Variants in LRP8 observed in about 807,000 individuals in gnomAD.
The protein encoded by LRP8 is low-density lipoprotein receptor-related protein 8.
In LRP8, 46 loss-of-function variants were observed where a neutral mutation model predicts 111.6. The ratio of observed to expected loss-of-function variants is 0.41; its 90% CI spans 0.33 to 0.53. The LOEUF (loss-of-function observed/expected upper bound fraction) is 0.53. Among genes scored for constraint, LRP8 ranks in the 20% least tolerant of loss-of-function variants. The probability of loss-of-function intolerance (pLI) is 0.20; values close to 1 mark genes in which losing one functional copy is unlikely to be tolerated. For synonymous variants in LRP8, 464 were observed against 511.2 expected (o/e 0.91, Z 1.24); for missense variants, 959 against 1,297.4 (o/e 0.74, Z 4.01).
chr1:53,292,590 C>A (rs1052755277), intron 2 of LRP8, among the ~76,000 whole-genome samples: 9 of 152,202 alleles, frequency 5.9e-5, no homozygotes, highest in Non-Finnish European at 1.2e-4. Flanking sequence ...GTTTTCCCCC[C>A]ACAAGAAGCT....
chr1:53,316,405 C>T (rs543186110), intron 2 of LRP8, among the ~76,000 whole-genome samples: 4 of 152,312 alleles, frequency 2.6e-5, no homozygotes, highest in South Asian at 2.1e-4. Flanking sequence ...AAATCAGCCC[C>T]GTCAGAGCTC....
At position 53,294,270 on chromosome 1, in the gene LRP8, C is replaced by T. The variant is rs57497860; in HGVS notation, c.245-4581G>A. Among the ~76,000 whole-genome samples, 520 of 152,294 alleles carry T rather than the reference C, an allele frequency of 3.4e-3. 4 individuals carry two copies. The highest frequency in any genetic ancestry group is 0.012 in the African/African-American group (500 of 41,546). On this transcript the variant is annotated intron_variant, in intron 2 of 18. Coordinates refer to ENST00000306052, the MANE Select transcript of LRP8 (RefSeq NM_004631.5). The surrounding 1 kb of genome is among the most constrained non-coding windows in gnomAD (Gnocchi z 4.1). The stretch of plus-strand genomic sequence containing the variant: ...ACATCATAATCTGGTGCCATGGCAA[C>T]AGATGGGCTGCCACAAAGGACTAGG...
chr1:53,269,324 T>TAA (rs1646685501), intron 8 of LRP8, among the ~76,000 whole-genome samples: 1 of 148,920 alleles, frequency 6.7e-6, no homozygotes, highest in Non-Finnish European at 1.5e-5. Flanking sequence ...ATTATTATTA[T>TAA]TTTTTTTTTT....
chr1:53,273,393 A>G (rs1373029876), intron 6 of LRP8, among the ~76,000 whole-genome samples: 1 of 152,240 alleles, frequency 6.6e-6, no homozygotes, highest in Admixed American at 6.5e-5. Context: ...ATGGGGTCAC[A>G]CACATAGATG....
In LRP8 at chr1:53,276,806, C is replaced by A; in HGVS notation, c.769G>T (p.Ala257Ser). The A allele has an allele frequency of 7.9e-7, 1 of 1,268,022 alleles. No homozygotes were observed. Among genetic ancestry groups the A allele is most frequent in the Middle Eastern group, 3.0e-4 (1 of 3,372 alleles). The allele number at this position is 1,268,022 out of a possible 1,614,324, so 78.5% of individuals were successfully genotyped here. A position where few individuals can be genotyped will look rare whatever the true frequency, so the allele number is the denominator to read the frequency against. ...AACTGGGAGGCGGTGGCGCAGGCGG[C>A]GGGCGCGGACGTGGCCCCGGGGCCC... is the stretch of plus-strand genomic sequence containing the variant. ...RPGPGATSAP[A>S]ACATASQFAC... The change falls in exon 5 of 19, where the codon GCC becomes TCC. Residue 257 changes from alanine (A) to serine (S), a missense_variant. Physicochemically the swap from Ala to Ser is moderately conservative, Grantham distance 99 (BLOSUM62 1). Around this residue, in one of 3 missense-constraint regions of LRP8, gnomAD observed 819 missense variants for 1,097.6 expected, o/e 0.75. Coordinates refer to ENST00000306052, the MANE Select transcript of LRP8 (RefSeq NM_004631.5).
chr1:53,266,000 G>C (rs1014661663), intron 9 of LRP8, among the ~76,000 whole-genome samples: 1 of 152,218 alleles, frequency 6.6e-6, no homozygotes, highest in African/African-American at 2.4e-5. Flanking sequence ...AGGCATGCCA[G>C]ATCAGATGCC....
Position 53,266,681 on chromosome 1 carries a change from A to C in LRP8, c.1253-34T>G, listed in dbSNP as rs1425906965. On this transcript the variant is annotated intron_variant, in intron 8 of 18. Coordinates refer to ENST00000306052, the MANE Select transcript of LRP8 (RefSeq NM_004631.5). This position sits in a 1 kb window ranked among gnomAD's most constrained non-coding sequence, Gnocchi z 5.0. ...CAGGGAGGTTGAAAGAGAAAGAGTC[A>C]GTGCAAGAGGCAGGGAGCCTGGAGA... 6.2e-7 allele frequency: 1 copy of C among 1,601,748 alleles called. No individual in the cohort carries two copies. The highest frequency in any genetic ancestry group is 1.7e-5 in the Admixed American group (1 of 59,914).
chr1:53,245,779 T>G lies in LRP8; in HGVS notation c.*1239A>C, dbSNP rs1645712978. On this transcript the variant is annotated 3_prime_UTR_variant, in exon 19 of 19. Coordinates refer to ENST00000306052, the MANE Select transcript of LRP8 (RefSeq NM_004631.5). Reference sequence around the variant, plus strand: ...CCCACATAAAGGAAATGGTAGAGAGTAAGGGGAAAAGAGAAATAAGAGATG... The same window carrying G: ...CCCACATAAAGGAAATGGTAGAGAGGAAGGGGAAAAGAGAAATAAGAGATG... 1 of 152,328 alleles carries G rather than the reference T, an allele frequency of 6.6e-6. No homozygotes were observed. The highest frequency in any genetic ancestry group is 1.5e-5 in the Non-Finnish European group (1 of 67,972). 9.4% of individuals were successfully genotyped at this position (152,328 alleles called of 1,614,324 possible).
At chr1:53,264,858 A>AG (rs1373163637) in intron 9 of LRP8, among the ~76,000 whole-genome samples, 1 of 152,140 alleles carries the variant, frequency 6.6e-6, no homozygotes, top group African/African-American at 2.4e-5. Context: ...TGAGATACTT[A>AG]GGGGAGCTGC....
At chr1:53,277,507 C>T (rs530154132) in intron 4 of LRP8, among the ~76,000 whole-genome samples, 2 of 152,270 alleles carry the variant, frequency 1.3e-5, no homozygotes, top group East Asian at 3.9e-4. Flanking sequence ...CCTGAGTCCC[C>T]TGGCCTGGTA....
intron 2 of LRP8, among the ~76,000 whole-genome samples, chr1:53,312,662 T>C (rs1049144137): frequency 6.6e-6 from 1 of 152,034 alleles, no homozygotes; most frequent in Non-Finnish European, 1.5e-5. Flanking sequence ...CCTGGCCTTT[T>C]TCTTTGTTTT....
chr1:53,267,720 A>G (rs1646626500), intron 8 of LRP8: 1 of 152,236 alleles, frequency 6.6e-6, no homozygotes, highest in Non-Finnish European at 1.5e-5. Context: ...GTTAGATTTT[A>G]AGATGATAAA....
At chr1:53,311,461 C>T (rs958387496) in intron 2 of LRP8, among the ~76,000 whole-genome samples, 60 of 152,164 alleles carry the variant, frequency 3.9e-4, no homozygotes, top group African/African-American at 1.4e-3. Context: ...ACAAAGCGCC[C>T]TCCCCCAACT....
intron 2 of LRP8, among the ~76,000 whole-genome samples, chr1:53,310,969 C>T (rs1252122046): frequency 2.0e-5 from 3 of 152,180 alleles, no homozygotes. Flanking sequence ...CCTGCCCAGC[C>T]CTGCACATGC....
At chr1:53,300,223 C>T (rs1481407742) in intron 2 of LRP8, among the ~76,000 whole-genome samples, 5 of 152,248 alleles carry the variant, frequency 3.3e-5, no homozygotes, top group African/African-American at 1.2e-4. Context: ...AGCCATTGGC[C>T]TTCATACCAG....
chr1:53,249,241 C>G lies in LRP8; in HGVS notation c.2853+139G>C, dbSNP rs1645819697. ...GCCATTCATTGGTCTGTGACTAACC[C>G]ATTTTTCTTCTTTGCCCCAACACCC... On this transcript the variant is annotated intron_variant, in intron 18 of 18. Coordinates refer to ENST00000306052, the MANE Select transcript of LRP8 (RefSeq NM_004631.5). The surrounding 1 kb of genome is among the most constrained non-coding windows in gnomAD (Gnocchi z 4.1). 1 of 837,464 alleles carries G rather than the reference C, an allele frequency of 1.2e-6. No individual in the cohort carries two copies. The highest frequency in any genetic ancestry group is 2.7e-5 in the East Asian group (1 of 37,470). The allele number at this position is 837,464 out of a possible 1,614,324, so 51.9% of individuals were successfully genotyped here.
intron 9 of LRP8, among the ~76,000 whole-genome samples, chr1:53,265,973 G>C (rs1646538322): frequency 6.6e-6 from 1 of 152,212 alleles, no homozygotes; most frequent in African/African-American, 2.4e-5. Flanking sequence ...CTGGCCTTGG[G>C]GTGATGCCAT....
rs1366326240 is a variant in LRP8, at chr1:53,264,288, G to A, written c.1536C>T (p.Tyr512=). The A allele has an allele frequency of 6.2e-7, 1 of 1,614,192 alleles. No homozygotes were observed. Among genetic ancestry groups the A allele is most frequent in the African/African-American group, 1.3e-5 (1 of 75,046 alleles). ...TGGTCTTATTGCCCGAGTCAGTCCA[G>A]TAGATGTGCTTGTGGACCCAGTCCA... ...LAVDWVHKHI[Y]WTDSGNKTIS... is the part of the protein sequence containing the mutation. The change falls in exon 10 of 19, where the codon TAC becomes TAT. Residue 512 remains tyrosine, a synonymous_variant. Transcript: ENST00000306052.
In LRP8 at chr1:53,246,572, A is replaced by G. The variant is rs1461111733; in HGVS notation, c.*446T>C. ...AAGTGTTTTTTTTTTTTTTTTACTT[A>G]TGTTGATGGATAGCCACAAAGCATA... On this transcript the variant is annotated 3_prime_UTR_variant, in exon 19 of 19. Coordinates refer to ENST00000306052, the MANE Select transcript of LRP8 (RefSeq NM_004631.5). 1 of 142,290 alleles carries G rather than the reference A, an allele frequency of 7.0e-6. No homozygotes were observed. Among genetic ancestry groups the G allele is most frequent in the Non-Finnish European group, 1.5e-5 (1 of 65,590 alleles). The allele number at this position is 142,290 out of a possible 1,614,324, so 8.8% of individuals were successfully genotyped here. A position where few individuals can be genotyped will look rare whatever the true frequency, so the allele number is the denominator to read the frequency against.
Sources: allele counts gnomAD v4.1 joint callset (sites outside exome capture counted in the v4.1 genomes callset), GRCh38; gene constraint gnomAD v4.1.1; regional missense constraint gnomAD v4.1.1; non-coding constraint Gnocchi (gnomAD v3.1); transcripts MANE v1.5; gene names NCBI Gene and HGNC (gene_info 2026-07-23, HGNC 2026-07-21).